COL2A1: variants seen among roughly 807,000 people sequenced by gnomAD.
COL2A1 encodes the protein collagen alpha-1(II) chain.
In COL2A1, 28 loss-of-function variants were observed where a neutral mutation model predicts 204.5. That is an observed-to-expected ratio of 0.14 (90% CI 0.10 to 0.19). The LOEUF (loss-of-function observed/expected upper bound fraction) is 0.19, where lower values mean the gene tolerates loss of function less well. Ranked by LOEUF, COL2A1 falls within the 10% of genes least tolerant of loss-of-function variation. The pLI, the probability that COL2A1 is intolerant of heterozygous loss-of-function variation, is 1.00. For missense variants in COL2A1, 1,388 were observed against 2,027.5 expected (o/e 0.68, Z 6.06); for synonymous variants, 708 against 718.7 (o/e 0.99, Z 0.24).
At chr12:47,974,420 C>T in intron 52 of COL2A1, 89 bp from the exon 53 acceptor site, 4 of 1,537,688 alleles carry the variant, frequency 2.6e-6, no homozygotes, top group Non-Finnish European at 3.5e-6. Context: ...GTTCATGGTT[C>T]AAGGACCTCA....
intron 52 of COL2A1, 139 bp downstream of exon 52, chr12:47,974,536 C>T (rs1938597082): frequency 8.0e-7 from 1 of 1,252,346 alleles, no homozygotes; most frequent in Non-Finnish European, 1.2e-6. Flanking sequence ...AAATACTTTT[C>T]CTCCTCTTTC....
chr12:47,973,274 C>G lies in COL2A1; in HGVS notation c.*133G>C. 7 of 1,203,750 alleles carry G rather than the reference C, an allele frequency of 5.8e-6. No individual in the cohort carries two copies. In the South Asian group the frequency reaches 7.2e-5, roughly 12 times the overall value. The allele number at this position is 1,203,750 out of a possible 1,614,324, so 74.6% of individuals were successfully genotyped here. A position where few individuals can be genotyped will look rare whatever the true frequency, so the allele number is the denominator to read the frequency against. Reference sequence around the variant, plus strand: ...GAAAGAGAGGGGAGAAAAGTCCGAACTGTGAGAGGGTGGGATGAATGGACA... The same window carrying G: ...GAAAGAGAGGGGAGAAAAGTCCGAAGTGTGAGAGGGTGGGATGAATGGACA... On this transcript the variant is annotated 3_prime_UTR_variant, in exon 54 of 54. Coordinates refer to ENST00000380518, the MANE Select transcript of COL2A1 (RefSeq NM_001844.5).
chr12:47,984,171 A>G (rs200600531), intron 28 of COL2A1, 31 bp from the exon 29 acceptor site: 7 of 1,607,364 alleles, frequency 4.4e-6, no homozygotes, highest in Middle Eastern at 1.7e-4. Context: ...AAAGTCAATG[A>G]CACGCTTTTC....
At chr12:47,988,262 C>T (rs1592222196) in intron 18 of COL2A1, among the ~76,000 whole-genome samples, 1 of 152,198 alleles carries the variant, frequency 6.6e-6, no homozygotes, top group Admixed American at 6.5e-5. Context: ...GGCAAAAGCA[C>T]ATGGGGACTC....
chr12:48,003,982 G>T (rs1940354283), intron 1 of COL2A1, among the ~76,000 whole-genome samples: 1 of 152,236 alleles, frequency 6.6e-6, no homozygotes, highest in South Asian at 2.1e-4. Flanking sequence ...TGCAAGTTCA[G>T]TATTCTAGCG....
At position 48,004,354 on chromosome 12, in the gene COL2A1, G is replaced by C; in HGVS notation, c.-33C>G. On this transcript the variant is annotated 5_prime_UTR_variant, in exon 1 of 54. Transcript: ENST00000380518. The stretch of plus-strand genomic sequence containing the variant: ...CGCGGGGCCTGGCTGAGCCGGGCCC[G>C]GGCGGAGCGCAGCGAAACGGCAGGA... The C allele has an allele frequency of 7.1e-7, 1 of 1,402,080 alleles. No homozygotes were observed. Among genetic ancestry groups the C allele is most frequent in the Non-Finnish European group, 9.9e-7 (1 of 1,014,694 alleles). The allele number at this position is 1,402,080 out of a possible 1,614,324, so 86.9% of individuals were successfully genotyped here.
rs925627565 is a variant in COL2A1 at position 47,977,087 on chromosome 12, C to T, written c.3327+15G>A. On this transcript the variant is annotated intron_variant, in intron 47 of 53. Transcript: ENST00000380518. Reference sequence around the variant, plus strand: ...TCCCTGGTGGGGACTCAGTGCAGGACACTTGGATACTCACCTGGATTCCCC... The same window carrying T: ...TCCCTGGTGGGGACTCAGTGCAGGATACTTGGATACTCACCTGGATTCCCC... 37 of 1,601,260 alleles carry T rather than the reference C, an allele frequency of 2.3e-5. No individual in the cohort carries two copies. The highest frequency in any genetic ancestry group is 7.0e-5 in the Admixed American group (4 of 57,284).
At chr12:48,001,814 C>T (rs1250352948) in intron 1 of COL2A1, among the ~76,000 whole-genome samples, 5 of 152,242 alleles carry the variant, frequency 3.3e-5, no homozygotes, top group Non-Finnish European at 7.3e-5. Flanking sequence ...CCCAGCACCA[C>T]CATAATTGCT....
rs1938519445 is a variant in COL2A1, at chr12:47,973,197, T to C, written c.*210A>G. The C allele has an allele frequency of 1.5e-6, 1 of 667,256 alleles. No homozygotes were observed. The highest frequency in any genetic ancestry group is 2.7e-6 in the Non-Finnish European group (1 of 375,336). The allele number at this position is 667,256 out of a possible 1,614,324, so 41.3% of individuals were successfully genotyped here. A position where few individuals can be genotyped will look rare whatever the true frequency, so the allele number is the denominator to read the frequency against. On this transcript the variant is annotated 3_prime_UTR_variant, in exon 54 of 54. Transcript: ENST00000380518. The stretch of plus-strand genomic sequence containing the variant: ...GAAGGTCTTACAGGAAGACAATAAA[T>C]AAATAGAACACCGAGATTTTATTTT...
rs570573455 is a variant in COL2A1, at chr12:47,978,776, G to A, written c.2734-18C>T. ...GGGTTGCCCTAGAAGGAGAAAATGC[G>A]GGAAGTGAGGACTCATCTCACCCTT... On this transcript the variant is annotated intron_variant, in intron 41 of 53. Coordinates refer to ENST00000380518, the MANE Select transcript of COL2A1 (RefSeq NM_001844.5). This position sits in a 1 kb window ranked among gnomAD's most constrained non-coding sequence, Gnocchi z 5.5. The A allele has an allele frequency of 4.6e-5, 74 of 1,610,536 alleles. No individual in the cohort carries two copies. The highest frequency in any genetic ancestry group is 6.7e-5 in the Admixed American group (4 of 59,910).
At chr12:47,997,825 G>C (rs1940033986) in intron 6 of COL2A1, 46 bp downstream of exon 6, 3 of 1,612,344 alleles carry the variant, frequency 1.9e-6, no homozygotes, top group Non-Finnish European at 2.5e-6. Context: ...GGCCTTGGGG[G>C]ACCTGGGAAG....
rs1444985609 is a variant in COL2A1, at chr12:47,982,741, TC to T, written c.2193+106del. 5 of 1,281,818 alleles carry T rather than the reference TC, an allele frequency of 3.9e-6. No individual in the cohort carries two copies. The African/African-American group carries it at 5.9e-5, about 15-fold the overall frequency. The allele number at this position is 1,281,818 out of a possible 1,614,324, so 79.4% of individuals were successfully genotyped here. The stretch of plus-strand genomic sequence containing the variant: ...CTCCCATGTAGACCTCCTTTCCAGC[TC>T]CCCCCACTTCTGTTCTTCATTCCTC... On this transcript the variant is annotated intron_variant, in intron 33 of 53. Coordinates refer to ENST00000380518, the MANE Select transcript of COL2A1 (RefSeq NM_001844.5).
In COL2A1 at chr12:47,976,643, G is replaced by C; in HGVS notation, c.3436-76C>G. 1 of 1,500,872 alleles carries C rather than the reference G, an allele frequency of 6.7e-7. No homozygotes were observed. 93.0% of individuals were successfully genotyped at this position (1,500,872 alleles called of 1,614,324 possible). A position where few individuals can be genotyped will look rare whatever the true frequency, so the allele number is the denominator to read the frequency against. On this transcript the variant is annotated intron_variant, in intron 48 of 53. Coordinates refer to ENST00000380518, the MANE Select transcript of COL2A1 (RefSeq NM_001844.5). This position sits in a 1 kb window ranked among gnomAD's most constrained non-coding sequence, Gnocchi z 4.3. ...CTATATTCTGGGAGCTGGGGGAACA[G>C]CTTTATGTCCCAGCCCCATTCCCTT...
intron 29 of COL2A1, 88 bp from the exon 30 acceptor site, chr12:47,983,824 G>T: frequency 4.3e-6 from 6 of 1,399,726 alleles, no homozygotes; most frequent in Non-Finnish European, 5.9e-6. Flanking sequence ...GGTCAGCAGG[G>T]TGGGCAGCAC....
intron 34 of COL2A1, 31 bp from the exon 35 acceptor site, chr12:47,982,191 C>T (rs201069937): frequency 9.4e-6 from 15 of 1,600,352 alleles, no homozygotes; most frequent in Middle Eastern, 3.3e-4. Context: ...CCGCCTCAGC[C>T]AGGCACCCCA....
At position 47,988,925 on chromosome 12, in the gene COL2A1, C is replaced by T. The variant is rs1032577777; in HGVS notation, c.1122+303G>A. On this transcript the variant is annotated intron_variant, in intron 18 of 53. Transcript: ENST00000380518. The stretch of plus-strand genomic sequence containing the variant: ...GGTTTGCTTCCCTGTGCTGCCACTC[C>T]TGGCCTTCTGCCCCTGCCAGGCCTA... Among the ~76,000 whole-genome samples the T allele has an allele frequency of 6.6e-5, 10 of 152,262 alleles. No individual in the cohort carries two copies. In the South Asian group the frequency reaches 1.9e-3, roughly 28 times the overall value.
Position 47,987,814 on chromosome 12 carries a change from T to A in COL2A1, c.1123-105A>T. On this transcript the variant is annotated intron_variant, in intron 18 of 53. Coordinates refer to ENST00000380518, the MANE Select transcript of COL2A1 (RefSeq NM_001844.5). The surrounding 1 kb of genome is among the most constrained non-coding windows in gnomAD (Gnocchi z 4.1). ...CAGCTGCAAGCACAGCACTAAATTA[T>A]GCACATGCACCCAACCCTGCACATG... 1.2e-6 allele frequency: 1 copy of A among 824,450 alleles called. No individual in the cohort carries two copies. Among genetic ancestry groups the A allele is most frequent in the South Asian group, 1.4e-5 (1 of 69,832 alleles). 51.1% of individuals were successfully genotyped at this position (824,450 alleles called of 1,614,324 possible).
intron 28 of COL2A1, 50 bp downstream of exon 28, chr12:47,984,496 G>T: frequency 1.3e-6 from 2 of 1,593,262 alleles, no homozygotes; most frequent in Non-Finnish European, 1.7e-6. Context: ...TGTCCTCCCT[G>T]CAGATGCCCG....
chr12:47,983,362 G>A, intron 31 of COL2A1, 23 bp downstream of exon 31: 1 of 1,613,072 alleles, frequency 6.2e-7, no homozygotes. Flanking sequence ...ACAGGTTGCA[G>A]GTCCAAAGAG....
Sources: gnomAD v4.1 joint callset for allele counts (sites outside exome capture counted in the v4.1 genomes callset) on GRCh38, gnomAD v4.1.1 for gene constraint, Gnocchi (gnomAD v3.1) non-coding constraint, MANE v1.5 for transcripts, NCBI Gene and HGNC (gene_info 2026-07-23, HGNC 2026-07-21) for gene names.